DGKK: variants seen among roughly 807,000 people sequenced by gnomAD.
DGKK encodes the protein diacylglycerol kinase kappa.
A neutral mutation model predicts 92.2 loss-of-function variants in DGKK; 35 were observed. The ratio of observed to expected loss-of-function variants is 0.38; its 90% CI spans 0.29 to 0.50. The LOEUF is 0.50. Ranked by LOEUF, DGKK falls within the 20% of genes least tolerant of loss-of-function variation. The pLI is 0.92. For missense variants in DGKK, 910 were observed against 992.2 expected, an observed-to-expected ratio of 0.92 and a Z score of 1.11; for synonymous variants, 368 against 360.6, an observed-to-expected ratio of 1.02 and a Z score of -0.23.
At chrX:50,406,158 G>C (rs1421525396) in intron 4 of DGKK, among the ~76,000 whole-genome samples, 1 of 112,153 alleles carries the variant, frequency 8.9e-6, no homozygotes, top group Non-Finnish European at 1.9e-5. Flanking sequence ...TCACAGGACT[G>C]CGTGGAAGAA....
At chrX:50,396,241 GA>G (rs1358772984) in intron 8 of DGKK, among the ~76,000 whole-genome samples, 1 of 111,541 alleles carries the variant, frequency 9.0e-6, no homozygotes, top group Non-Finnish European at 1.9e-5. Flanking sequence ...AAAAGGGGTG[GA>G]TAAGAATATC....
chrX:50,386,641 G>A, intron 14 of DGKK, 55 bp from the exon 15 acceptor site: 1 of 1,028,409 alleles, frequency 9.7e-7, no homozygotes, highest in African/African-American at 1.8e-5. Context: ...TGCTTGAGAG[G>A]ACAGAATGAG....
intron 1 of DGKK, among the ~76,000 whole-genome samples, chrX:50,459,180 T>C (rs1171111831): frequency 7.2e-5 from 8 of 111,529 alleles, no homozygotes; most frequent in African/African-American, 2.6e-4. Flanking sequence ...TCTTCAAATA[T>C]GGTAAAACAC....
chrX:50,466,024 T>C (rs1276151384), intron 1 of DGKK, among the ~76,000 whole-genome samples: 3 of 88,281 alleles, frequency 3.4e-5, no homozygotes, highest in Admixed American at 1.3e-4. Context: ...TTTCTTTTTT[T>C]TTTTTTTTTT....
chrX:50,416,395 C>G (rs782713047), intron 4 of DGKK, among the ~76,000 whole-genome samples: 2 of 112,251 alleles, frequency 1.8e-5, no homozygotes, highest in South Asian at 7.4e-4. Context: ...AGCTTATTGA[C>G]TCCAAAGCAC....
chrX:50,393,077 G>A, intron 9 of DGKK, 75 bp downstream of exon 9: 5 of 865,088 alleles, frequency 5.8e-6, no homozygotes, highest in South Asian at 5.2e-5. Context: ...ATTCCAAGAA[G>A]CCTGTTTTAG....
chrX:50,385,145 G>A (rs782679138), intron 15 of DGKK, among the ~76,000 whole-genome samples: 4 of 111,660 alleles, frequency 3.6e-5, no homozygotes, highest in Admixed American at 2.8e-4. Context: ...GCTTGTGGCT[G>A]TGGATTGGGG....
intron 1 of DGKK, among the ~76,000 whole-genome samples, chrX:50,449,583 T>G (rs1569545116): frequency 9.0e-6 from 1 of 111,459 alleles, no homozygotes; most frequent in Non-Finnish European, 1.9e-5. Flanking sequence ...AAGACTCTAG[T>G]GATCAGCCTC....
chrX:50,376,223 G>A (rs1924269355), intron 23 of DGKK, 58 bp from the exon 24 acceptor site: 1 of 1,159,101 alleles, frequency 8.6e-7, no homozygotes, highest in South Asian at 2.0e-5. Context: ...TTCTGGCCTG[G>A]GGCACTGGTG....
chrX:50,442,020 C>T (rs1012150609), intron 1 of DGKK, among the ~76,000 whole-genome samples: 3 of 111,262 alleles, frequency 2.7e-5, no homozygotes, highest in Non-Finnish European at 3.8e-5. Context: ...TGTTCTAATG[C>T]AACCTACAGC....
intron 1 of DGKK, among the ~76,000 whole-genome samples, chrX:50,434,148 T>A (rs1356759684): frequency 9.1e-6 from 1 of 110,266 alleles, no homozygotes; most frequent in Non-Finnish European, 1.9e-5. Context: ...AACCATCTAC[T>A]ATGAGAGCTG....
At chrX:50,411,318 A>C (rs1925298716) in intron 4 of DGKK, among the ~76,000 whole-genome samples, 1 of 112,298 alleles carries the variant, frequency 8.9e-6, no homozygotes, top group African/African-American at 3.2e-5. Flanking sequence ...TCCTCAATAA[A>C]ATATTAGCAA....
intron 4 of DGKK, 129 bp downstream of exon 4, chrX:50,420,274 T>C (rs1347815513): frequency 9.0e-6 from 5 of 554,004 alleles, no homozygotes; most frequent in Non-Finnish European, 1.4e-5. Context: ...AGAGGTTTTC[T>C]GTCTATAATT....
intron 2 of DGKK, 67 bp from the exon 3 acceptor site, chrX:50,422,593 G>T: frequency 4.4e-6 from 2 of 456,371 alleles, no homozygotes; most frequent in East Asian, 4.7e-5. Context: ...GACATTAAAA[G>T]GTAAACACAC....
intron 1 of DGKK, among the ~76,000 whole-genome samples, chrX:50,464,096 C>T (rs1036337560): frequency 9.3e-6 from 1 of 107,565 alleles, no homozygotes; most frequent in African/African-American, 3.4e-5. Flanking sequence ...AGTCAACTCC[C>T]ATTAGAAGGA....
chrX:50,404,322 G>A, intron 4 of DGKK, 138 bp from the exon 5 acceptor site: 1 of 672,815 alleles, frequency 1.5e-6, no homozygotes, highest in Non-Finnish European at 2.1e-6. Flanking sequence ...ACTGAAAGTT[G>A]GAGCCAATAC....
chrX:50,382,834 T>A (rs1557224581), intron 17 of DGKK, among the ~76,000 whole-genome samples: 1 of 112,008 alleles, frequency 8.9e-6, no homozygotes, highest in African/African-American at 3.2e-5. Context: ...TTCAGTGGGA[T>A]TGGAACTCAT....
intron 1 of DGKK, among the ~76,000 whole-genome samples, chrX:50,469,564 G>A (rs897818483): frequency 6.2e-5 from 7 of 112,319 alleles, no homozygotes; most frequent in Middle Eastern, 4.2e-3. Context: ...TGGCAGGGAG[G>A]GGGCCAAGCA....
intron 22 of DGKK, among the ~76,000 whole-genome samples, chrX:50,377,399 T>G (rs1557223963): frequency 8.9e-6 from 1 of 112,700 alleles, no homozygotes; most frequent in African/African-American, 3.2e-5. Context: ...GGTCCTCATT[T>G]TCCTCATCTG....
Sources: allele counts gnomAD v4.1 joint callset (sites outside exome capture counted in the v4.1 genomes callset), GRCh38; gene constraint gnomAD v4.1.1; transcripts MANE v1.5; gene names NCBI Gene and HGNC (gene_info 2026-07-23, HGNC 2026-07-21).